ARHGAP35: variants seen among roughly 807,000 people sequenced by gnomAD.
ARHGAP35 encodes the protein Rho GTPase activating protein 35, also known as rho GTPase-activating protein 35.
ARHGAP35 carries 15 observed loss-of-function variants against 111.1 expected under a neutral mutation model. That is an observed-to-expected ratio of 0.13 (90% CI 0.09 to 0.21). The LOEUF is 0.21. Among genes scored for constraint, ARHGAP35 ranks in the 10% least tolerant of loss-of-function variants. ARHGAP35 has a pLI of 1.00. For synonymous variants in ARHGAP35, 643 were observed against 710.3 expected, an observed-to-expected ratio of 0.91 and a Z score of 1.51; for missense variants, 1,262 against 1,873.0, an observed-to-expected ratio of 0.67 and a Z score of 6.02.
In ARHGAP35 at chr19:46,921,068, A is replaced by T; in HGVS notation, c.2393A>T (p.Asp798Val). Residue 798 changes from aspartate to valine, a missense_variant, in exon 2 of 7, where the codon GAC (aspartate) becomes GTC (valine). Coordinates refer to ENST00000672722, the MANE Select transcript of ARHGAP35 (RefSeq NM_004491.5). The surrounding 1 kb of genome is among the most constrained non-coding windows in gnomAD (Gnocchi z 4.3). ...LMCGDPFSAD[D>V]ILFPVLQSQT... ...TGTGGAGATCCTTTTAGTGCAGATGACATACTTTTTCCTGTCCTTCAGTCC... is the reference window on the plus strand; with the variant it reads ...TGTGGAGATCCTTTTAGTGCAGATGTCATACTTTTTCCTGTCCTTCAGTCC... The T allele has an allele frequency of 6.2e-7, 1 of 1,613,930 alleles. No homozygotes were observed. Among genetic ancestry groups the T allele is most frequent in the Non-Finnish European group, 8.5e-7 (1 of 1,179,856 alleles).
At chr19:46,881,158 T>C (rs2055960612) in intron 1 of ARHGAP35, among the ~76,000 whole-genome samples, 1 of 152,156 alleles carries the variant, frequency 6.6e-6, no homozygotes, top group Admixed American at 6.5e-5. Context: ...TTGGCCAGGC[T>C]GGTCTTGAAC....
intron 3 of ARHGAP35, among the ~76,000 whole-genome samples, chr19:46,980,246 G>A (rs1018978070): frequency 1.3e-5 from 2 of 152,108 alleles, no homozygotes; most frequent in Non-Finnish European, 2.9e-5. Context: ...TTAGCCAAGC[G>A]TGATGGTGGG....
At chr19:46,935,912 T>C (rs938538174) in intron 2 of ARHGAP35, among the ~76,000 whole-genome samples, 1 of 152,224 alleles carries the variant, frequency 6.6e-6, no homozygotes, top group African/African-American at 2.4e-5. Context: ...ATTAATCATG[T>C]TAATGAGCAT....
At position 46,945,221 on chromosome 19, in the gene ARHGAP35, A is replaced by G. The variant is rs376793779; in HGVS notation, c.3826+7813A>G. On this transcript the variant is annotated intron_variant, in intron 3 of 6. Coordinates refer to ENST00000672722, the MANE Select transcript of ARHGAP35 (RefSeq NM_004491.5). This position sits in a 1 kb window ranked among gnomAD's most constrained non-coding sequence, Gnocchi z 4.1. ...TGAGGGGGAGCTTAAGAGTCAGACT[A>G]ACTTTCTATTTCTAGCTTGAATGCT... is the stretch of plus-strand genomic sequence containing the variant. 5.9e-5 allele frequency among the ~76,000 whole-genome samples: 9 copies of G among 152,182 alleles called. No individual in the cohort carries two copies. In the East Asian group the frequency reaches 1.2e-3, roughly 20 times the overall value.
intron 1 of ARHGAP35, among the ~76,000 whole-genome samples, chr19:46,867,211 C>A (rs2055862747): frequency 6.6e-6 from 1 of 152,158 alleles, no homozygotes; most frequent in South Asian, 2.1e-4. Flanking sequence ...TTGAAAATAG[C>A]CAGACTTGCC....
chr19:46,885,404 A>C (rs1355392801), intron 1 of ARHGAP35, among the ~76,000 whole-genome samples: 4 of 152,226 alleles, frequency 2.6e-5, no homozygotes, highest in African/African-American at 9.6e-5. Flanking sequence ...ATTACTCAGA[A>C]TAGGAAACAG....
In ARHGAP35 at chr19:47,000,971, C is replaced by G; in HGVS notation, c.*283C>G. The stretch of plus-strand genomic sequence containing the variant: ...CTCCCTCTGTTCCCTGGACCACCAC[C>G]CCACGTAGCTGCTCACACCAGCCTC... On this transcript the variant is annotated 3_prime_UTR_variant, in exon 7 of 7. Coordinates refer to ENST00000672722, the MANE Select transcript of ARHGAP35 (RefSeq NM_004491.5). This position sits in a 1 kb window ranked among gnomAD's most constrained non-coding sequence, Gnocchi z 6.9. 1.3e-6 allele frequency: 2 copies of G among 1,508,702 alleles called. No individual in the cohort carries two copies. Among genetic ancestry groups the G allele is most frequent in the Non-Finnish European group, 1.8e-6 (2 of 1,129,242 alleles). 93.5% of individuals were successfully genotyped at this position (1,508,702 alleles called of 1,614,324 possible).
In ARHGAP35 at chr19:46,921,659, T is replaced by G; in HGVS notation, c.2984T>G (p.Leu995Arg). 6.2e-7 allele frequency: 1 copy of G among 1,614,012 alleles called. No individual in the cohort carries two copies. Among genetic ancestry groups the G allele is most frequent in the Non-Finnish European group, 8.5e-7 (1 of 1,179,890 alleles). Residue 995 changes from leucine (L) to arginine (R), a missense_variant, in exon 2 of 7, where the codon CTG becomes CGG. By Grantham distance (102) the Leu-to-Arg change is moderately radical. Around this residue, in one of 8 missense-constraint regions of ARHGAP35, gnomAD observed 579 missense variants for 716.9 expected, o/e 0.81. Coordinates refer to ENST00000672722, the MANE Select transcript of ARHGAP35 (RefSeq NM_004491.5). This position sits in a 1 kb window ranked among gnomAD's most constrained non-coding sequence, Gnocchi z 4.3. The stretch of plus-strand genomic sequence containing the variant: ...GAAGATATCGAGCCATCTTACAGCC[T>G]GTTTCGAGAAGACACATCACTGCCT... ...SEEDIEPSYS[L>R]FREDTSLPSL...
chr19:46,890,758 G>A (rs557155590), intron 1 of ARHGAP35, among the ~76,000 whole-genome samples: 24 of 152,374 alleles, frequency 1.6e-4, no homozygotes, highest in African/African-American at 4.1e-4. Flanking sequence ...GGCTGTAGCT[G>A]TGACACATGT....
intron 1 of ARHGAP35, among the ~76,000 whole-genome samples, chr19:46,877,950 C>A (rs1176503607): frequency 2.0e-5 from 3 of 152,136 alleles, no homozygotes; most frequent in African/African-American, 7.2e-5. Context: ...TCAGGTGATC[C>A]ACCTGCCTCG....
intron 1 of ARHGAP35, among the ~76,000 whole-genome samples, chr19:46,870,555 G>C (rs1318511961): frequency 6.6e-6 from 1 of 151,906 alleles, no homozygotes; most frequent in African/African-American, 2.4e-5. Context: ...CTCCAGCCTG[G>C]GTGACAGAGC....
intron 1 of ARHGAP35, among the ~76,000 whole-genome samples, chr19:46,882,377 G>A (rs1382229322): frequency 1.3e-5 from 2 of 152,048 alleles, no homozygotes; most frequent in African/African-American, 4.8e-5. Context: ...GCCTCAAGCA[G>A]TTGTCCCGCC....
chr19:46,966,122 T>C (rs1301463502), intron 3 of ARHGAP35, among the ~76,000 whole-genome samples: 3 of 152,236 alleles, frequency 2.0e-5, no homozygotes, highest in African/African-American at 7.2e-5. Flanking sequence ...ATATGTGATA[T>C]TTTCTATTGG....
intron 1 of ARHGAP35, among the ~76,000 whole-genome samples, chr19:46,877,131 C>T (rs2055928181): frequency 6.6e-6 from 1 of 151,448 alleles, no homozygotes; most frequent in African/African-American, 2.4e-5. Context: ...TGCCTGTAAT[C>T]CCAGCTACTC....
intron 3 of ARHGAP35, among the ~76,000 whole-genome samples, chr19:46,983,216 TAGA>T (rs1279945502): frequency 1.3e-5 from 2 of 152,042 alleles, no homozygotes; most frequent in Non-Finnish European, 2.9e-5. Context: ...TTGAGCATCA[TAGA>T]AGAAGAACTC....
At chr19:46,991,847 T>C (rs1162287416) in intron 5 of ARHGAP35, among the ~76,000 whole-genome samples, 2 of 152,244 alleles carry the variant, frequency 1.3e-5, no homozygotes, top group Non-Finnish European at 2.9e-5. Flanking sequence ...GGGGTTTCCA[T>C]GGCTACATCA....
chr19:46,962,078 T>C (rs939237788), intron 3 of ARHGAP35, among the ~76,000 whole-genome samples: 4 of 152,216 alleles, frequency 2.6e-5, no homozygotes, highest in Non-Finnish European at 4.4e-5. Context: ...TCTGGAATGC[T>C]GGGATGTTTT....
intron 1 of ARHGAP35, among the ~76,000 whole-genome samples, chr19:46,875,988 C>A (rs2055917108): frequency 6.6e-6 from 1 of 152,132 alleles, no homozygotes; most frequent in South Asian, 2.1e-4. Flanking sequence ...CTCTTTTTCT[C>A]ATCATGACAC....
chr19:47,000,770 T>A lies in ARHGAP35; in HGVS notation c.*82T>A. The A allele has an allele frequency of 1.3e-6, 2 of 1,535,824 alleles. No individual in the cohort carries two copies. Among genetic ancestry groups the A allele is most frequent in the South Asian group, 2.4e-5 (2 of 81,886 alleles). ...TGGCCTTGAACAAAACCAAGTCCACTGGGGACAGAGGCAGGGGCAAGTGGC... is the reference window on the plus strand; with the variant it reads ...TGGCCTTGAACAAAACCAAGTCCACAGGGGACAGAGGCAGGGGCAAGTGGC... On this transcript the variant is annotated 3_prime_UTR_variant, in exon 7 of 7. Transcript: ENST00000672722. The surrounding 1 kb of genome is among the most constrained non-coding windows in gnomAD (Gnocchi z 6.9).
Sources: gnomAD v4.1 joint callset for allele counts (sites outside exome capture counted in the v4.1 genomes callset) on GRCh38, gnomAD v4.1.1 for gene constraint, gnomAD v4.1.1 regional missense constraint, Gnocchi (gnomAD v3.1) non-coding constraint, MANE v1.5 for transcripts, NCBI Gene and HGNC (gene_info 2026-07-23, HGNC 2026-07-21) for gene names.